The following CSPP1 variants were observed in gnomAD, a reference collection of about 807,000 sequenced individuals.
CSPP1 encodes the protein centrosome and spindle pole-associated protein 1.
CSPP1 carries 126 observed loss-of-function variants against 164.4 expected under a neutral mutation model. The observed-to-expected ratio is 0.77, with a 90% CI of 0.66 to 0.89. The LOEUF is 0.89. CSPP1 is among the 40% of genes least tolerant of loss of function. The probability of loss-of-function intolerance (pLI) is 0.00; values close to 1 mark genes in which losing one functional copy is unlikely to be tolerated. For missense variants in CSPP1, 1,395 were observed against 1,449.8 expected (o/e 0.96, Z 0.61); for synonymous variants, 472 against 476.7 (o/e 0.99, Z 0.13).
intron 15 of CSPP1, among the ~76,000 whole-genome samples, chr8:67,128,567 G>T (rs942853978): frequency 4.6e-5 from 7 of 151,204 alleles, no homozygotes; most frequent in African/African-American, 1.7e-4. Context: ...CTTCTTGGCC[G>T]GGTTCAGTCT....
At chr8:67,155,586 A>G (rs541393405) in intron 19 of CSPP1, among the ~76,000 whole-genome samples, 147 of 152,294 alleles carry the variant, frequency 9.7e-4, no homozygotes, top group African/African-American at 3.2e-3. Context: ...TCTTGAGCAC[A>G]GGAGTTTGAG....
chr8:67,072,684 T>C (rs970101648), intron 1 of CSPP1, among the ~76,000 whole-genome samples: 2 of 151,726 alleles, frequency 1.3e-5, no homozygotes, highest in African/African-American at 4.8e-5. Context: ...CGTAGTGAGA[T>C]CCTGTGTCTG....
At chr8:67,158,368 A>G (rs1055154447) in intron 19 of CSPP1, 79 bp from the exon 20 acceptor site, 43 of 1,394,998 alleles carry the variant, frequency 3.1e-5, no homozygotes, top group Non-Finnish European at 4.0e-5. Flanking sequence ...TTGAGTTTAT[A>G]TACTATCAGG....
intron 7 of CSPP1, among the ~76,000 whole-genome samples, chr8:67,102,289 A>AT (rs1265953483): frequency 6.6e-6 from 1 of 152,096 alleles, no homozygotes; most frequent in African/African-American, 2.4e-5. Context: ...CTGCTGCTGT[A>AT]TTTTTAAGTT....
chr8:67,138,434 GAA>G (rs1051238483), intron 17 of CSPP1, among the ~76,000 whole-genome samples: 12 of 151,996 alleles, frequency 7.9e-5, no homozygotes, highest in Non-Finnish European at 4.4e-5. Context: ...ACAATGACAA[GAA>G]AAAAAGACTT....
At chr8:67,167,701 G>A (rs1480438343) in intron 24 of CSPP1, among the ~76,000 whole-genome samples, 2 of 151,918 alleles carry the variant, frequency 1.3e-5, no homozygotes, top group Non-Finnish European at 2.9e-5. Flanking sequence ...CCCAGATGGG[G>A]TGGCGGGGCA....
intron 24 of CSPP1, among the ~76,000 whole-genome samples, chr8:67,171,830 G>T (rs1360901191): frequency 6.6e-6 from 1 of 150,676 alleles, no homozygotes; most frequent in Non-Finnish European, 1.5e-5. Context: ...TTACAGGTGT[G>T]AGCCACCATG....
At chr8:67,086,304 A>G (rs1047331567) in intron 4 of CSPP1, 194 bp downstream of exon 4, 11 of 643,792 alleles carry the variant, frequency 1.7e-5, no homozygotes, top group Admixed American at 1.0e-4. Context: ...GGTGCCATAG[A>G]ATGATACAGA....
rs540348998 is a variant in CSPP1, at chr8:67,110,876, G to T, written c.1094-1096G>T. Among the ~76,000 whole-genome samples, 11 of 152,122 alleles carry T rather than the reference G, an allele frequency of 7.2e-5. No homozygotes were observed. The East Asian group carries it at 1.3e-3, about 19-fold the overall frequency. ...TTCTGTTGTTGTTGTTGTTGTTGTT[G>T]TTTATTTGTTTTTTAAACTGTGAGG... On this transcript the variant is annotated intron_variant, in intron 9 of 30. Coordinates refer to ENST00000678616, the MANE Select transcript of CSPP1 (RefSeq NM_001382391.1).
chr8:67,137,101 A>G (rs1822474189), intron 16 of CSPP1, among the ~76,000 whole-genome samples: 1 of 151,966 alleles, frequency 6.6e-6, no homozygotes, highest in Non-Finnish European at 1.5e-5. Flanking sequence ...TGTGCCTCAG[A>G]CACCCAAGTA....
rs753413923 is a variant in CSPP1 at position 67,172,553 on chromosome 8, G to C, written c.2966G>C (p.Arg989Thr). Reference sequence around the variant, plus strand: ...CATGATTTTAATGAGCTGAAAGATAGAGGTGAGTAGATTGCTGCTCTTTTA... The same window carrying C: ...CATGATTTTAATGAGCTGAAAGATACAGGTGAGTAGATTGCTGCTCTTTTA... ...NVHDFNELKD[R>T]DSETRVDLKF... The change falls in exon 25 of 31, where the codon AGA (arginine) becomes ACA (threonine). Residue 989 changes from arginine (R) to threonine (T), a missense_variant and splice_region_variant. Transcript: ENST00000678616. The C allele has an allele frequency of 6.2e-7, 1 of 1,610,124 alleles. No homozygotes were observed. Among genetic ancestry groups the C allele is most frequent in the Non-Finnish European group, 8.5e-7 (1 of 1,177,658 alleles).
intron 1 of CSPP1, among the ~76,000 whole-genome samples, chr8:67,073,560 G>A (rs1001025748): frequency 1.3e-5 from 2 of 152,112 alleles, no homozygotes; most frequent in African/African-American, 2.4e-5. Context: ...AAAATAGGCT[G>A]TAAAGGCTGC....
chr8:67,156,296 C>G (rs915260047), intron 19 of CSPP1, among the ~76,000 whole-genome samples: 1 of 151,920 alleles, frequency 6.6e-6, no homozygotes, highest in Non-Finnish European at 1.5e-5. Context: ...GAGGCCATTG[C>G]TTGAACCCAA....
chr8:67,097,979 A>G (rs887098648), intron 7 of CSPP1, among the ~76,000 whole-genome samples: 1 of 150,308 alleles, frequency 6.7e-6, no homozygotes, highest in Non-Finnish European at 1.5e-5. Context: ...GTTTTTTCTT[A>G]TGTGTCTCTT....
In CSPP1 at chr8:67,190,673, G is replaced by C. The variant is rs754283581; in HGVS notation, c.3244G>C (p.Ala1082Pro). The C allele has an allele frequency of 6.2e-7, 1 of 1,614,108 alleles. No homozygotes were observed. Among genetic ancestry groups the C allele is most frequent in the South Asian group, 1.1e-5 (1 of 91,074 alleles). ...FIGAYGETYP[A>P]IEDDVLPPPS... ...AGGGGCTTACGGTGAGACATATCCT[G>C]CCATTGAAGATGACGTCCTCCCTCC... The change falls in exon 29 of 31, where the codon GCC becomes CCC. Residue 1082 changes from alanine (A) to proline (P), a missense_variant. Ala to Pro is a conservative substitution (Grantham distance 27). Coordinates refer to ENST00000678616, the MANE Select transcript of CSPP1 (RefSeq NM_001382391.1).
intron 17 of CSPP1, 83 bp from the exon 18 acceptor site, chr8:67,149,700 C>A: frequency 2.1e-6 from 2 of 969,390 alleles, no homozygotes; most frequent in Non-Finnish European, 2.9e-6. Context: ...TTCTTTCTGA[C>A]TTCCTATTTT....
chr8:67,185,630 A>T (rs1834355143), intron 28 of CSPP1, among the ~76,000 whole-genome samples: 1 of 152,184 alleles, frequency 6.6e-6, no homozygotes, highest in Non-Finnish European at 1.5e-5. Flanking sequence ...TCAGAAGATG[A>T]AGAGGAGGAT....
chr8:67,065,563 T>G (rs1387902889), intron 1 of CSPP1: 1 of 959,332 alleles, frequency 1.0e-6, no homozygotes, highest in South Asian at 4.8e-5. Context: ...CATATCATTC[T>G]TCTCCCTAGG....
chr8:67,117,996 A>C (rs762355086), intron 13 of CSPP1, among the ~76,000 whole-genome samples: 1 of 152,190 alleles, frequency 6.6e-6, no homozygotes, highest in Non-Finnish European at 1.5e-5. Context: ...CATAGTGCCT[A>C]TTGGATATTA....
Sources: allele counts gnomAD v4.1 joint callset (sites outside exome capture counted in the v4.1 genomes callset), GRCh38; gene constraint gnomAD v4.1.1; transcripts MANE v1.5; gene names NCBI Gene and HGNC (gene_info 2026-07-23, HGNC 2026-07-21).